Variants in ERBB4 observed in about 807,000 individuals in gnomAD.
ERBB4 encodes the protein receptor tyrosine-protein kinase erbB-4.
Under a neutral mutation model 158.0 loss-of-function variants are expected in ERBB4, and 42 were observed. The ratio of observed to expected loss-of-function variants is 0.27; its 90% confidence interval spans 0.21 to 0.34. The LOEUF (loss-of-function observed/expected upper bound fraction) is 0.34, where lower values mean the gene tolerates loss of function less well. Among genes scored for constraint, ERBB4 ranks in the 10% least tolerant of loss-of-function variants. ERBB4 has a pLI of 1.00. For synonymous variants in ERBB4, 583 were observed against 558.7 expected, an observed-to-expected ratio of 1.04 and a Z score of -0.61; for missense variants, 1,333 against 1,624.1, an observed-to-expected ratio of 0.82 and a Z score of 3.08.
intron 2 of ERBB4, among the ~76,000 whole-genome samples, chr2:212,024,530 C>A (rs2076730210): frequency 6.6e-6 from 1 of 152,052 alleles, no homozygotes; most frequent in African/African-American, 2.4e-5. Context: ...CTCCATACTT[C>A]TTAGAATCCC....
At chr2:212,004,817 C>CAT (rs919531184) in intron 2 of ERBB4, among the ~76,000 whole-genome samples, 6 of 151,736 alleles carry the variant, frequency 4.0e-5, no homozygotes, top group Admixed American at 1.3e-4. Flanking sequence ...GCCTAACTTA[C>CAT]ATATATATAT....
At chr2:212,146,418 G>A (rs2080675094) in intron 1 of ERBB4, among the ~76,000 whole-genome samples, 1 of 152,142 alleles carries the variant, frequency 6.6e-6, no homozygotes, top group Admixed American at 6.5e-5. Context: ...AACTCTAGAA[G>A]CATATGGTGC....
chr2:212,116,384 A>T (rs1193694152), intron 2 of ERBB4, among the ~76,000 whole-genome samples: 1 of 152,118 alleles, frequency 6.6e-6, no homozygotes, highest in South Asian at 2.1e-4. Context: ...CATTTTATTT[A>T]TAGTTTTTTA....
intron 2 of ERBB4, among the ~76,000 whole-genome samples, chr2:212,000,030 G>A (rs2076068974): frequency 6.6e-6 from 1 of 151,716 alleles, no homozygotes; most frequent in Non-Finnish European, 1.5e-5. Flanking sequence ...CCTTTCTAAA[G>A]TATATTGTCA....
At position 211,619,362 on chromosome 2, in the gene ERBB4, T is replaced by C; in HGVS notation, c.2203-87A>G. The C allele has an allele frequency of 6.4e-6, 5 of 775,504 alleles. No individual in the cohort carries two copies. The South Asian group carries it at 7.3e-5, about 11-fold the overall frequency. The allele number at this position is 775,504 out of a possible 1,614,324, so 48.0% of individuals were successfully genotyped here. A position where few individuals can be genotyped will look rare whatever the true frequency, so the allele number is the denominator to read the frequency against. Reference sequence around the variant, plus strand: ...ACTTAGAAGTTTGATATTATAACATTCAATCAACAAATGTTTATTTAGCAC... The same window carrying C: ...ACTTAGAAGTTTGATATTATAACATCCAATCAACAAATGTTTATTTAGCAC... On this transcript the variant is annotated intron_variant, in intron 18 of 27. Transcript: ENST00000342788.
At chr2:212,171,149 G>A (rs1351125120) in intron 1 of ERBB4, among the ~76,000 whole-genome samples, 2 of 152,102 alleles carry the variant, frequency 1.3e-5, no homozygotes, top group African/African-American at 2.4e-5. Context: ...ACGTGGATGT[G>A]AGACATGGGG....
chr2:212,302,721 G>A (rs1424803692), intron 1 of ERBB4, among the ~76,000 whole-genome samples: 1 of 151,462 alleles, frequency 6.6e-6, no homozygotes, highest in African/African-American at 2.4e-5. Flanking sequence ...TGTAAAACAT[G>A]AATAAATATT....
chr2:212,163,833 C>T (rs2081272838), intron 1 of ERBB4, among the ~76,000 whole-genome samples: 1 of 152,074 alleles, frequency 6.6e-6, no homozygotes, highest in Non-Finnish European at 1.5e-5. Flanking sequence ...CACTGTGTCT[C>T]CCAGGCTGGA....
intron 1 of ERBB4, among the ~76,000 whole-genome samples, chr2:212,496,276 C>A (rs1441518411): frequency 2.0e-5 from 3 of 146,694 alleles, no homozygotes; most frequent in Admixed American, 2.0e-4. Flanking sequence ...TGTTGATTGA[C>A]CTGGTAAAAA....
chr2:212,012,044 C>A (rs1336917687), intron 2 of ERBB4, among the ~76,000 whole-genome samples: 1 of 152,062 alleles, frequency 6.6e-6, no homozygotes, highest in Non-Finnish European at 1.5e-5. Context: ...CCAAAGGTGA[C>A]CAATTAGGGT....
chr2:211,984,145 C>G (rs552490999), intron 2 of ERBB4, among the ~76,000 whole-genome samples: 3 of 152,118 alleles, frequency 2.0e-5, no homozygotes, highest in African/African-American at 7.2e-5. Flanking sequence ...AAAGATGGTA[C>G]GGATGGTGCC....
chr2:212,114,148 C>T (rs1168898906), intron 2 of ERBB4, among the ~76,000 whole-genome samples: 3 of 152,096 alleles, frequency 2.0e-5, no homozygotes, highest in African/African-American at 7.2e-5. Flanking sequence ...TTTACAAATA[C>T]TTAAATAATT....
intron 2 of ERBB4, among the ~76,000 whole-genome samples, chr2:212,071,371 ACACT>A (rs2078112754): frequency 6.6e-6 from 1 of 151,732 alleles, no homozygotes. Flanking sequence ...GATTTCTGGG[ACACT>A]ATATGCAAAG....
chr2:212,026,644 A>G, intron 2 of ERBB4, among the ~76,000 whole-genome samples: 1 of 151,904 alleles, frequency 6.6e-6, no homozygotes, highest in African/African-American at 2.4e-5. Context: ...CAATCTTTCA[A>G]AATGGAATAT....
intron 1 of ERBB4, among the ~76,000 whole-genome samples, chr2:212,195,751 A>G (rs59557783): frequency 0.19 from 28,986 of 152,012 alleles, 3,069 homozygotes; most frequent in Non-Finnish European, 0.22. Context: ...TATTAAAAGC[A>G]TATTTCAAAG....
intron 1 of ERBB4, among the ~76,000 whole-genome samples, chr2:212,456,368 T>C (rs527356919): frequency 6.6e-6 from 1 of 152,112 alleles, no homozygotes; most frequent in Non-Finnish European, 1.5e-5. Context: ...TAAATAAGTG[T>C]AAAATATTTT....
Position 211,711,951 on chromosome 2 carries a change from C to T in ERBB4, c.1124+99G>A, listed in dbSNP as rs1024875715. 3.6e-5 allele frequency: 37 copies of T among 1,040,796 alleles called. No individual in the cohort carries two copies. In the African/African-American group the frequency reaches 4.3e-4, roughly 12 times the overall value. 64.5% of individuals were successfully genotyped at this position (1,040,796 alleles called of 1,614,324 possible). ...TGAGGAGCATTAATGAAAGGTGAAA[C>T]TCTTCAGCTTCCAGAGGAATCAAAT... On this transcript the variant is annotated intron_variant, in intron 9 of 27. Transcript: ENST00000342788.
At chr2:211,970,059 C>CT (rs1483259160) in intron 2 of ERBB4, among the ~76,000 whole-genome samples, 1 of 152,000 alleles carries the variant, frequency 6.6e-6, no homozygotes, top group Non-Finnish European at 1.5e-5. Context: ...TTAACACTTC[C>CT]TTAGCTGTGT....
intron 1 of ERBB4, among the ~76,000 whole-genome samples, chr2:212,192,701 A>G (rs1217738466): frequency 6.6e-6 from 1 of 152,122 alleles, no homozygotes; most frequent in East Asian, 1.9e-4. Context: ...GTCTCACAGG[A>G]GTCATATACT....
Sources: allele counts gnomAD v4.1 joint callset (sites outside exome capture counted in the v4.1 genomes callset), GRCh38; gene constraint gnomAD v4.1.1; transcripts MANE v1.5; gene names NCBI Gene and HGNC (gene_info 2026-07-23, HGNC 2026-07-21).